The following APBA2 variants were observed in gnomAD, a reference collection of about 807,000 sequenced individuals.
The protein encoded by APBA2 is amyloid-beta A4 precursor protein-binding family A member 2.
APBA2 carries 30 observed loss-of-function variants against 75.0 expected under a neutral mutation model. The observed-to-expected ratio is 0.40, with a 90% CI of 0.30 to 0.54. APBA2 has a LOEUF of 0.54. Ranked by LOEUF, APBA2 falls within the 20% of genes least tolerant of loss-of-function variation. The pLI is 0.49. For missense variants in APBA2, 801 were observed against 1,016.1 expected, an observed-to-expected ratio of 0.79 and a Z score of 2.88; for synonymous variants, 444 against 409.6, an observed-to-expected ratio of 1.08 and a Z score of -1.01.
At chr15:28,994,819 T>A (rs1304708952) in intron 2 of APBA2, among the ~76,000 whole-genome samples, 1 of 152,170 alleles carries the variant, frequency 6.6e-6, no homozygotes, top group Non-Finnish European at 1.5e-5. Flanking sequence ...ATGGGGCTCT[T>A]CCCTACGACT....
intron 2 of APBA2, among the ~76,000 whole-genome samples, chr15:28,935,224 C>G (rs141499527): frequency 7.7e-4 from 117 of 152,324 alleles, no homozygotes; most frequent in African/African-American, 2.5e-3. Context: ...GCACGGTGGC[C>G]CGGACCCTTG....
At chr15:29,085,663 A>G (rs550294759) in intron 6 of APBA2, among the ~76,000 whole-genome samples, 11 of 152,108 alleles carry the variant, frequency 7.2e-5, no homozygotes, top group South Asian at 6.2e-4. Context: ...CAAGTTTTCT[A>G]TGGCCAATAA....
intron 4 of APBA2, among the ~76,000 whole-genome samples, chr15:29,073,558 G>C (rs577188925): frequency 1.3e-5 from 2 of 152,254 alleles, no homozygotes; most frequent in African/African-American, 4.8e-5. Flanking sequence ...CACCATGTTG[G>C]CCAGGCTAGT....
At chr15:28,944,292 C>T (rs531042811) in intron 2 of APBA2, among the ~76,000 whole-genome samples, 1 of 152,220 alleles carries the variant, frequency 6.6e-6, no homozygotes, top group South Asian at 2.1e-4. Flanking sequence ...GATCACCTGC[C>T]AACCTGCCTC....
chr15:29,073,504 C>T (rs775931160), intron 4 of APBA2, among the ~76,000 whole-genome samples: 1 of 152,298 alleles, frequency 6.6e-6, no homozygotes, highest in Non-Finnish European at 1.5e-5. Context: ...GCATCCACCA[C>T]CATGCCCGGC....
chr15:29,057,006 C>T (rs1306160008), intron 4 of APBA2, among the ~76,000 whole-genome samples: 1 of 152,088 alleles, frequency 6.6e-6, no homozygotes, highest in Admixed American at 6.5e-5. Flanking sequence ...CCCTGGGGGA[C>T]AGCCAGGCCG....
At chr15:29,072,417 G>A (rs2042664879) in intron 4 of APBA2, among the ~76,000 whole-genome samples, 2 of 152,236 alleles carry the variant, frequency 1.3e-5, no homozygotes, top group Non-Finnish European at 2.9e-5. Flanking sequence ...TACTTTAGGA[G>A]AATGTGAGCG....
chr15:29,092,895 A>G (rs1199971906), intron 6 of APBA2, among the ~76,000 whole-genome samples, 180 bp from the exon 7 acceptor site: 1 of 152,148 alleles, frequency 6.6e-6, no homozygotes, highest in African/African-American at 2.4e-5. Context: ...TACTTGCAGC[A>G]CGGGGTAGTG....
In APBA2 at chr15:29,003,995, G is replaced by T. The variant is rs546414403; in HGVS notation, c.-41+8189G>T. 3.9e-5 allele frequency among the ~76,000 whole-genome samples: 6 copies of T among 152,320 alleles called. No homozygotes were observed. In the South Asian group the frequency reaches 1.2e-3, roughly 32 times the overall value. ...ACCACACTCTTGATAACACGTGGGG[G>T]CTCCAGGACCAAAAGCTGGTGCTGC... On this transcript the variant is annotated intron_variant, in intron 3 of 14. Transcript: ENST00000683413.
At chr15:28,929,569 C>T (rs956398216) in intron 2 of APBA2, among the ~76,000 whole-genome samples, 9 of 152,130 alleles carry the variant, frequency 5.9e-5, no homozygotes, top group Non-Finnish European at 1.3e-4. Context: ...GGGGCAACAG[C>T]GTTGGCCCAG....
At chr15:28,986,736 G>A (rs1162379218) in intron 2 of APBA2, among the ~76,000 whole-genome samples, 4 of 152,196 alleles carry the variant, frequency 2.6e-5, no homozygotes, top group East Asian at 3.9e-4. Context: ...CAGAGTGTTC[G>A]GATTACAGGC....
intron 2 of APBA2, among the ~76,000 whole-genome samples, chr15:28,946,228 T>C (rs1380924835): frequency 6.6e-6 from 1 of 152,222 alleles, no homozygotes; most frequent in Non-Finnish European, 1.5e-5. Context: ...TTACTTTATG[T>C]GACAGAAAGG....
At chr15:29,005,096 A>G (rs1204660185) in intron 3 of APBA2, among the ~76,000 whole-genome samples, 1 of 152,118 alleles carries the variant, frequency 6.6e-6, no homozygotes, top group East Asian at 1.9e-4. Context: ...GCCACATCTT[A>G]AATAGCAAAG....
intron 4 of APBA2, among the ~76,000 whole-genome samples, chr15:29,072,379 C>A (rs1355557356): frequency 2.0e-5 from 3 of 152,208 alleles, no homozygotes; most frequent in Non-Finnish European, 4.4e-5. Flanking sequence ...CTCAACAGAG[C>A]TCTCTGGGGG....
intron 1 of APBA2, among the ~76,000 whole-genome samples, chr15:28,900,785 C>T (rs1288916741): frequency 1.3e-5 from 2 of 152,188 alleles, no homozygotes; most frequent in Non-Finnish European, 2.9e-5. Context: ...GTGTCTCTGT[C>T]CTGTGGCTGA....
intron 5 of APBA2, among the ~76,000 whole-genome samples, chr15:29,075,300 A>T (rs2042802251): frequency 6.6e-6 from 1 of 152,188 alleles, no homozygotes; most frequent in Non-Finnish European, 1.5e-5. Flanking sequence ...ACTTAATTTT[A>T]TAAAAAGCCA....
intron 1 of APBA2, among the ~76,000 whole-genome samples, chr15:28,903,802 G>C (rs888702058): frequency 1.3e-5 from 2 of 152,194 alleles, no homozygotes; most frequent in African/African-American, 4.8e-5. Context: ...AGTGCTCTGT[G>C]GTGGGCCAGT....
chr15:29,087,677 C>A (rs1379168359), intron 6 of APBA2, among the ~76,000 whole-genome samples: 1 of 152,204 alleles, frequency 6.6e-6, no homozygotes, highest in Non-Finnish European at 1.5e-5. Flanking sequence ...AGCTCTGCAG[C>A]AGAAGGTCTC....
intron 6 of APBA2, among the ~76,000 whole-genome samples, chr15:29,083,880 C>T (rs934568954): frequency 6.6e-6 from 1 of 152,158 alleles, no homozygotes; most frequent in Non-Finnish European, 1.5e-5. Flanking sequence ...AAAGTCTGTC[C>T]ATTTAGGGGA....
Sources: allele counts gnomAD v4.1 joint callset (sites outside exome capture counted in the v4.1 genomes callset), GRCh38; gene constraint gnomAD v4.1.1; transcripts MANE v1.5; gene names NCBI Gene and HGNC (gene_info 2026-07-23, HGNC 2026-07-21).